B3GALT1: variants seen among roughly 807,000 people sequenced by gnomAD.
B3GALT1 encodes beta-1,3-galactosyltransferase 1.
Under a neutral mutation model 23.2 loss-of-function variants are expected in B3GALT1, and 10 were observed. That is an observed-to-expected ratio of 0.43 (90% CI 0.27 to 0.73). B3GALT1 has a LOEUF of 0.73. B3GALT1 is among the 30% of genes least tolerant of loss of function. The probability of loss-of-function intolerance (pLI) is 0.21; values close to 1 mark genes in which losing one functional copy is unlikely to be tolerated. For missense variants in B3GALT1, 299 were observed against 405.4 expected (o/e 0.74, Z 2.25); for synonymous variants, 156 against 141.5 (o/e 1.10, Z -0.73).
rs1194084099 is a variant in B3GALT1 at position 167,870,178 on chromosome 2, A to T, written c.*158A>T. On this transcript the variant is annotated 3_prime_UTR_variant, in exon 5 of 5. Coordinates refer to ENST00000392690, the MANE Select transcript of B3GALT1 (RefSeq NM_020981.4). Reference sequence around the variant, plus strand: ...TCTTTTCTTGGATTACCAATTTATGAATGTTAGACTCTGGTCATAGAAACA... The same window carrying T: ...TCTTTTCTTGGATTACCAATTTATGTATGTTAGACTCTGGTCATAGAAACA... 1.4e-6 allele frequency: 1 copy of T among 689,786 alleles called. No individual in the cohort carries two copies. Among genetic ancestry groups the T allele is most frequent in the East Asian group, 2.8e-5 (1 of 36,114 alleles). 42.7% of individuals were successfully genotyped at this position (689,786 alleles called of 1,614,324 possible).
intron 1 of B3GALT1, among the ~76,000 whole-genome samples, chr2:167,373,178 A>C (rs1447676949): frequency 6.6e-6 from 1 of 152,132 alleles, no homozygotes; most frequent in East Asian, 1.9e-4. Flanking sequence ...TATGAGAAAA[A>C]AAGAATCCCA....
At chr2:167,867,187 A>G (rs944204809) in intron 4 of B3GALT1, among the ~76,000 whole-genome samples, 40 of 152,088 alleles carry the variant, frequency 2.6e-4, no homozygotes, top group Non-Finnish European at 4.0e-4. Context: ...TGGCCTCCCA[A>G]AGTGCTGGGA....
At chr2:167,293,462 G>C (rs1482090381) in intron 1 of B3GALT1, 128 bp downstream of exon 1, 1 of 152,414 alleles carries the variant, frequency 6.6e-6, no homozygotes, top group African/African-American at 2.4e-5. Flanking sequence ...GTGTCCCGAC[G>C]CTGGGCTGTG....
At chr2:167,672,625 C>A (rs1237014969) in intron 3 of B3GALT1, among the ~76,000 whole-genome samples, 1 of 152,038 alleles carries the variant, frequency 6.6e-6, no homozygotes, top group East Asian at 1.9e-4. Context: ...CCCCTGTGGC[C>A]AAATCACTTC....
At chr2:167,761,915 C>G (rs901814715) in intron 3 of B3GALT1, among the ~76,000 whole-genome samples, 1 of 152,206 alleles carries the variant, frequency 6.6e-6, no homozygotes, top group Non-Finnish European at 1.5e-5. Flanking sequence ...TAACTCACCT[C>G]TTTTTCGTTG....
chr2:167,405,809 A>G (rs1698264858), intron 1 of B3GALT1, among the ~76,000 whole-genome samples: 1 of 152,142 alleles, frequency 6.6e-6, no homozygotes, highest in Non-Finnish European at 1.5e-5. Flanking sequence ...GTAGAGAATC[A>G]TGAAATAAAC....
At position 167,871,851 on chromosome 2, in the gene B3GALT1, A is replaced by C. The variant is rs1027916374; in HGVS notation, c.*1831A>C. The C allele has an allele frequency of 6.6e-6, 1 of 150,740 alleles. No homozygotes were observed. The highest frequency in any genetic ancestry group is 2.4e-5 in the African/African-American group (1 of 41,004). 9.3% of individuals were successfully genotyped at this position (150,740 alleles called of 1,614,324 possible). A position where few individuals can be genotyped will look rare whatever the true frequency, so the allele number is the denominator to read the frequency against. ...AAAACACCTGTTTGTTCTCAAAGAA[A>C]GCCCCACAGCTGAAAGAGTGTACCT... On this transcript the variant is annotated 3_prime_UTR_variant, in exon 5 of 5. Transcript: ENST00000392690.
intron 2 of B3GALT1, among the ~76,000 whole-genome samples, chr2:167,572,879 GA>G (rs1020145280): frequency 2.2e-4 from 34 of 151,566 alleles, no homozygotes; most frequent in African/African-American, 6.5e-4. Context: ...AGGTTAGCGG[GA>G]AAAAAATATT....
chr2:167,410,597 A>G (rs1231016881), intron 1 of B3GALT1, among the ~76,000 whole-genome samples: 1 of 151,898 alleles, frequency 6.6e-6, no homozygotes, highest in African/African-American at 2.4e-5. Context: ...CTGGGGGGCA[A>G]GTGGAGGGAG....
rs1687255972 is a variant in B3GALT1, at chr2:167,722,888, T to TC, written c.-352+75924dup. On this transcript the variant is annotated intron_variant, in intron 3 of 4. Transcript: ENST00000392690. ...CTATCTCTACTCCACTGTCACCACCTCCAAGGTAACCCAGAAAAAAAGTGT... is the reference window on the plus strand; with the variant it reads ...CTATCTCTACTCCACTGTCACCACCTCCCAAGGTAACCCAGAAAAAAAGTGT... Among the ~76,000 whole-genome samples, 3 of 152,210 alleles carry TC rather than the reference T, an allele frequency of 2.0e-5. No homozygotes were observed. In the South Asian group the frequency reaches 6.2e-4, roughly 32 times the overall value.
chr2:167,858,612 C>G (rs1690042901), intron 4 of B3GALT1, among the ~76,000 whole-genome samples: 1 of 152,108 alleles, frequency 6.6e-6, no homozygotes, highest in Non-Finnish European at 1.5e-5. Context: ...GATGAGGAAA[C>G]AAAGGCATAG....
At chr2:167,531,489 G>A (rs1463229367) in intron 2 of B3GALT1, among the ~76,000 whole-genome samples, 1 of 152,126 alleles carries the variant, frequency 6.6e-6, no homozygotes, top group East Asian at 1.9e-4. Context: ...CATTATTAAA[G>A]CCAGTCACAA....
intron 2 of B3GALT1, among the ~76,000 whole-genome samples, chr2:167,518,818 G>A (rs1259595124): frequency 6.6e-6 from 1 of 152,166 alleles, no homozygotes; most frequent in Non-Finnish European, 1.5e-5. Context: ...CCCCAGGAAT[G>A]TATCTTTTTC....
chr2:167,707,541 T>C (rs1294748922), intron 3 of B3GALT1, among the ~76,000 whole-genome samples: 1 of 151,822 alleles, frequency 6.6e-6, no homozygotes, highest in African/African-American at 2.4e-5. Flanking sequence ...GCAGCCCAAA[T>C]TCCTTGGCCC....
chr2:167,492,075 C>G (rs894671374), intron 2 of B3GALT1, among the ~76,000 whole-genome samples: 2 of 152,150 alleles, frequency 1.3e-5, no homozygotes, highest in African/African-American at 4.8e-5. Context: ...ATTTCCATTA[C>G]TGCTGTATCA....
chr2:167,563,904 GCC>G (rs1684084747), intron 2 of B3GALT1, among the ~76,000 whole-genome samples: 1 of 126,526 alleles, frequency 7.9e-6, no homozygotes, highest in Non-Finnish European at 1.7e-5. Flanking sequence ...GCCGGGCGGG[GCC>G]GATCCCCCCA....
intron 3 of B3GALT1, among the ~76,000 whole-genome samples, chr2:167,774,641 G>A (rs1442343866): frequency 2.0e-5 from 3 of 151,680 alleles, no homozygotes; most frequent in Non-Finnish European, 2.9e-5. Context: ...GGGATTACAG[G>A]CATGTGCCAC....
At chr2:167,585,053 A>G (rs1010280339) in intron 2 of B3GALT1, among the ~76,000 whole-genome samples, 4 of 152,150 alleles carry the variant, frequency 2.6e-5, no homozygotes, top group Admixed American at 2.0e-4. Context: ...TTTTTCCTGT[A>G]AACAGCTCTC....
intron 1 of B3GALT1, among the ~76,000 whole-genome samples, chr2:167,301,135 A>G (rs761871065): frequency 1.3e-5 from 2 of 152,184 alleles, no homozygotes; most frequent in African/African-American, 2.4e-5. Context: ...GATCAAGGCA[A>G]TGAAAAACAA....
Sources: gnomAD v4.1 joint callset for allele counts (sites outside exome capture counted in the v4.1 genomes callset) on GRCh38, gnomAD v4.1.1 for gene constraint, MANE v1.5 for transcripts, NCBI Gene and HGNC (gene_info 2026-07-23, HGNC 2026-07-21) for gene names.